Variants in ODAD1 observed in about 807,000 individuals in gnomAD.
ODAD1 encodes outer dynein arm-docking complex subunit 1.
In ODAD1, 49 loss-of-function variants were observed where a neutral mutation model predicts 67.2. The ratio of observed to expected loss-of-function variants is 0.73; its 90% CI spans 0.58 to 0.92. The LOEUF is 0.92. ODAD1 is among the 40% of genes least tolerant of loss of function. The probability of loss-of-function intolerance (pLI) is 0.00; values close to 1 mark genes in which losing one functional copy is unlikely to be tolerated. For synonymous variants in ODAD1, 345 were observed against 393.7 expected, an observed-to-expected ratio of 0.88 and a Z score of 1.46; for missense variants, 897 against 953.7, an observed-to-expected ratio of 0.94 and a Z score of 0.78.
intron 6 of ODAD1, 43 bp from the exon 7 acceptor site, chr19:48,311,709 G>C: frequency 8.4e-7 from 1 of 1,197,238 alleles, no homozygotes; most frequent in Non-Finnish European, 1.2e-6. Context: ...CTGAAGCCAA[G>C]TCTGCCTGCC....
chr19:48,320,523 A>G, intron 2 of ODAD1, 132 bp from the exon 3 acceptor site: 1 of 339,910 alleles, frequency 2.9e-6, no homozygotes. Context: ...CATTCCTCCA[A>G]GAGGGGTTGG....
At chr19:48,316,625 C>T (rs796646612) in intron 5 of ODAD1, among the ~76,000 whole-genome samples, 1 of 152,158 alleles carries the variant, frequency 6.6e-6, no homozygotes, top group South Asian at 2.1e-4. Context: ...TCATTCCTTG[C>T]CTTTGCCAGT....
In ODAD1 at chr19:48,302,683, T is replaced by C. The variant is rs1968498982; in HGVS notation, c.1240+11A>G. 1 of 1,603,648 alleles carries C rather than the reference T, an allele frequency of 6.2e-7. No homozygotes were observed. The highest frequency in any genetic ancestry group is 1.3e-5 in the African/African-American group (1 of 74,852). On this transcript the variant is annotated intron_variant, in intron 12 of 15. Transcript: ENST00000674294. ...AGCCAGGCTCGGGAGGGGGCGCCCATGGGTGCTCACCAGCCTTGAGCTTCT... is the reference window on the plus strand; with the variant it reads ...AGCCAGGCTCGGGAGGGGGCGCCCACGGGTGCTCACCAGCCTTGAGCTTCT...
chr19:48,311,533 T>G lies in ODAD1; in HGVS notation c.597+20A>C. 5 of 1,450,866 alleles carry G rather than the reference T, an allele frequency of 3.4e-6. No homozygotes were observed. The highest frequency in any genetic ancestry group is 4.7e-6 in the Non-Finnish European group (5 of 1,055,832). The allele number at this position is 1,450,866 out of a possible 1,614,324, so 89.9% of individuals were successfully genotyped here. On this transcript the variant is annotated intron_variant, in intron 7 of 15. Coordinates refer to ENST00000674294, the MANE Select transcript of ODAD1 (RefSeq NM_001364171.2). ...GCGCAGGGGTCCCTGTCTCCTCCCC[T>G]GGATTTCAGGGCCACTGACCTTCTT...
chr19:48,297,154 G>A lies in ODAD1; in HGVS notation c.1946C>T (p.Ser649Phe). 3.1e-6 allele frequency: 5 copies of A among 1,614,144 alleles called. No individual in the cohort carries two copies. The highest frequency in any genetic ancestry group is 1.3e-5 in the African/African-American group (1 of 75,064). ...RPVSASSYLG[S>F]TGYVGSSRGG... ...CCTGCTGGACCCCACGTATCCAGTG[G>A]AGCCCAGGTAGCTGCTGGCGCTGAC... The change falls in exon 16 of 16, where the codon TCC becomes TTC. Residue 649 changes from serine (S) to phenylalanine (F), a missense_variant. Physicochemically the swap from Ser to Phe is radical, Grantham distance 155. Transcript: ENST00000674294.
rs547720986 is a variant in ODAD1, at chr19:48,318,482, G to A, written c.265C>T (p.Arg89Trp). 3.2e-5 allele frequency: 49 copies of A among 1,551,570 alleles called. 1 individual carries two copies. Among genetic ancestry groups the A allele is most frequent in the South Asian group, 3.0e-4 (25 of 84,058 alleles). Residue 89 changes from arginine to tryptophan, a missense_variant, in exon 5 of 16, where the codon CGG (arginine) becomes TGG (tryptophan). Coordinates refer to ENST00000674294, the MANE Select transcript of ODAD1 (RefSeq NM_001364171.2). ...NQVKRLRDSQ[R>W]LENMDRLLKG... ...AGCAGGCGGTCCATGTTCTCCAGCC[G>A]CTGACTGTCCCGAAGCCGCTTGACC...
intron 10 of ODAD1, 182 bp from the exon 11 acceptor site, chr19:48,303,277 C>G: frequency 3.2e-6 from 2 of 633,140 alleles, no homozygotes; most frequent in Non-Finnish European, 5.7e-6. Flanking sequence ...TGGGAAGATA[C>G]GGCAGGTGGG....
rs1272576410 is a variant in ODAD1 at position 48,302,920 on chromosome 19, G to A, written c.1072-58C>T. 7 of 1,605,752 alleles carry A rather than the reference G, an allele frequency of 4.4e-6. No individual in the cohort carries two copies. In the Admixed American group the frequency reaches 1.2e-4, roughly 27 times the overall value. On this transcript the variant is annotated intron_variant, in intron 11 of 15. Transcript: ENST00000674294. ...GGCAGCCTCGGGAGTTGGGGGTGTG[G>A]AGCTAGGAAGAAGCAGGAGGCAGGC...
Position 48,320,330 on chromosome 19 carries a change from C to T in ODAD1, c.39G>A (p.Glu13=). The T allele has an allele frequency of 7.8e-7, 1 of 1,289,198 alleles. No homozygotes were observed. Among genetic ancestry groups the T allele is most frequent in the Non-Finnish European group, 1.0e-6 (1 of 988,456 alleles). 79.9% of individuals were successfully genotyped at this position (1,289,198 alleles called of 1,614,324 possible). ...CCTCCAGAAATGCCTCGCTTCCCTC[C>T]TCGGAGCGGGCGCTCCCTGCCAAGC... ...LGRLAGSARS[E]EGSEAFLEGM... is the part of the protein sequence containing the mutation. The change falls in exon 3 of 16, where the codon GAG becomes GAA. Residue 13 remains glutamate (E), a synonymous_variant. Transcript: ENST00000674294.
At chr19:48,308,266 C>G (rs1218306167) in intron 7 of ODAD1, among the ~76,000 whole-genome samples, 2 of 151,988 alleles carry the variant, frequency 1.3e-5, no homozygotes, top group African/African-American at 2.4e-5. Context: ...CCTCCAGCTC[C>G]CTGGTTCAAG....
At chr19:48,298,816 G>C (rs1968378132) in intron 12 of ODAD1, among the ~76,000 whole-genome samples, 2 of 152,100 alleles carry the variant, frequency 1.3e-5, no homozygotes, top group South Asian at 4.2e-4. Flanking sequence ...TGAGTGATGA[G>C]TGCCCAGTGC....
At chr19:48,321,146 G>A (rs182617765) in intron 1 of ODAD1, among the ~76,000 whole-genome samples, 2 of 152,362 alleles carry the variant, frequency 1.3e-5, no homozygotes, top group East Asian at 3.9e-4. Flanking sequence ...GCTGGGGCAG[G>A]AGAATCGCTT....
At chr19:48,314,858 T>A (rs907609211) in intron 5 of ODAD1, among the ~76,000 whole-genome samples, 1 of 151,832 alleles carries the variant, frequency 6.6e-6, no homozygotes, top group African/African-American at 2.4e-5. Context: ...CGAGAATCAC[T>A]TGAGCCTGGC....
chr19:48,313,238 G>A lies in ODAD1; in HGVS notation c.361-1122C>T, dbSNP rs373077664. ...GAGGTCAGGAGTTCAAGACCACCCT[G>A]GCCAACATGGCGAAACCCCACCTCT... On this transcript the variant is annotated intron_variant, in intron 5 of 15. Transcript: ENST00000674294. 8.4e-4 allele frequency among the ~76,000 whole-genome samples: 128 copies of A among 152,064 alleles called. 1 individual carries two copies. Among genetic ancestry groups the A allele is most frequent in the African/African-American group, 3.0e-3 (123 of 41,486 alleles).
At chr19:48,299,073 G>A (rs982174464) in intron 12 of ODAD1, among the ~76,000 whole-genome samples, 1 of 152,208 alleles carries the variant, frequency 6.6e-6, no homozygotes. Context: ...AGCGGAAGGA[G>A]GAAGCCACAC....
At chr19:48,316,398 G>T (rs1236928860) in intron 5 of ODAD1, among the ~76,000 whole-genome samples, 3 of 150,258 alleles carry the variant, frequency 2.0e-5, no homozygotes, top group African/African-American at 7.4e-5. Flanking sequence ...AAACAAACCT[G>T]CCTAACTGTG....
chr19:48,301,250 C>T (rs10405137), intron 12 of ODAD1, among the ~76,000 whole-genome samples: 38,838 of 152,056 alleles, frequency 0.26, 5,780 homozygotes, highest in African/African-American at 0.42. Context: ...GAAAACTGTT[C>T]GGCATTTTCT....
In ODAD1 at chr19:48,312,099, C is replaced by T. The variant is rs775223049; in HGVS notation, c.378G>A (p.Thr126=). Reference sequence around the variant, plus strand: ...CATTCTTACTGTGGGTAAAGATCCGCGTCTCCCACTCCTGGATCTACAAGA... The same window carrying T: ...CATTCTTACTGTGGGTAAAGATCCGTGTCTCCCACTCCTGGATCTACAAGA... ...ALDKQIQEWE[T]RIFTHSKNVR... is the part of the protein sequence containing the mutation. The change falls in exon 6 of 16, where the codon ACG becomes ACA. Residue 126 remains threonine (T), a synonymous_variant. Coordinates refer to ENST00000674294, the MANE Select transcript of ODAD1 (RefSeq NM_001364171.2). The T allele has an allele frequency of 2.1e-5, 32 of 1,551,300 alleles. No individual in the cohort carries two copies. Among genetic ancestry groups the T allele is most frequent in the Admixed American group, 5.9e-5 (3 of 50,980 alleles).
intron 7 of ODAD1, among the ~76,000 whole-genome samples, chr19:48,307,553 C>T (rs1487893593): frequency 5.9e-5 from 9 of 152,098 alleles, no homozygotes; most frequent in Admixed American, 4.6e-4. Flanking sequence ...TGGTGGTTCA[C>T]GCCTGTAATC....
Sources: allele counts gnomAD v4.1 joint callset (sites outside exome capture counted in the v4.1 genomes callset), GRCh38; gene constraint gnomAD v4.1.1; transcripts MANE v1.5; gene names NCBI Gene and HGNC (gene_info 2026-07-23, HGNC 2026-07-21).